Variants in QTGAL observed in about 807,000 individuals in gnomAD.
QTGAL encodes queuosine-tRNA galactosyltransferase, also known as BGnT-like protein 1.
the QTGAL span, among the ~76,000 whole-genome samples, chr17:82,989,952 G>C: frequency 6.6e-6 from 1 of 152,218 alleles, no homozygotes; most frequent in Non-Finnish European, 1.5e-5. Context: ...CAATCATTAA[G>C]TGTATTTTGA....
the QTGAL span, among the ~76,000 whole-genome samples, chr17:82,974,738 G>A: frequency 1.3e-5 from 2 of 152,214 alleles, no homozygotes; most frequent in Non-Finnish European, 2.9e-5. Context: ...GTCTGAACTG[G>A]ACCCTGGGGG....
chr17:83,023,971 G>C, the QTGAL span, among the ~76,000 whole-genome samples: 6 of 152,334 alleles, frequency 3.9e-5, no homozygotes, highest in East Asian at 1.2e-3. Flanking sequence ...TGTGGATTCT[G>C]CGCTGGTTCC....
At chr17:83,044,879 G>A in the QTGAL span, among the ~76,000 whole-genome samples, 2 of 151,828 alleles carry the variant, frequency 1.3e-5, no homozygotes, top group Non-Finnish European at 1.5e-5. Context: ...CCAGGTGGCG[G>A]AGCTTGCAGT....
chr17:83,035,139 T>C, the QTGAL span: 4 of 1,537,878 alleles, frequency 2.6e-6, no homozygotes, highest in Non-Finnish European at 3.6e-6. Flanking sequence ...TATAATTCAG[T>C]TTCCAGCAGC....
chr17:83,017,524 G>A, the QTGAL span, among the ~76,000 whole-genome samples: 8 of 152,106 alleles, frequency 5.3e-5, no homozygotes, highest in Admixed American at 3.9e-4. Flanking sequence ...TCAGGAAGCC[G>A]AGGTACGAGA....
the QTGAL span, among the ~76,000 whole-genome samples, chr17:83,009,989 AGGCCCCTGGTGTTGGGGGGCTGTGGG>A: frequency 1.5e-4 from 16 of 105,332 alleles, no homozygotes; most frequent in Middle Eastern, 4.8e-3. Flanking sequence ...GGAGCTGTGG[AGGCCCCTGGTGTTGGGGGGCTGTGGG>A]GGCCCCTGGT....
the QTGAL span, chr17:83,051,672 G>A: frequency 2.9e-6 from 4 of 1,369,018 alleles, no homozygotes; most frequent in Non-Finnish European, 3.8e-6. Context: ...GAGGACTGGA[G>A]GGCGGGGTGA....
At chr17:83,031,211 G>A in the QTGAL span, among the ~76,000 whole-genome samples, 7 of 152,358 alleles carry the variant, frequency 4.6e-5, no homozygotes, top group East Asian at 1.4e-3. Flanking sequence ...ATCCATCAGA[G>A]GCCGGCAGGG....
chr17:82,989,031 A>C, the QTGAL span, among the ~76,000 whole-genome samples: 1 of 152,228 alleles, frequency 6.6e-6, no homozygotes, highest in Non-Finnish European at 1.5e-5. Flanking sequence ...AGATCATTCT[A>C]TTATAAAGGT....
At chr17:82,987,335 T>C in the QTGAL span, among the ~76,000 whole-genome samples, 7 of 152,224 alleles carry the variant, frequency 4.6e-5, no homozygotes, top group Non-Finnish European at 1.0e-4. Flanking sequence ...AAAGAAGACT[T>C]ATTTGAGAAA....
At chr17:83,002,657 C>T in the QTGAL span, among the ~76,000 whole-genome samples, 2 of 152,192 alleles carry the variant, frequency 1.3e-5, no homozygotes, top group East Asian at 3.9e-4. Flanking sequence ...CTCCCTCAGA[C>T]GGCAGCCAGT....
At chr17:82,949,700 C>T in the QTGAL span, 6,199 of 152,242 alleles carry the variant, frequency 0.041, 169 homozygotes, top group South Asian at 0.094. Context: ...GTCACACGGA[C>T]GCTGCCGGGT....
At chr17:82,991,283 T>C in the QTGAL span, among the ~76,000 whole-genome samples, 1 of 152,218 alleles carries the variant, frequency 6.6e-6, no homozygotes. Flanking sequence ...TCTTGAATTG[T>C]ACTCCCATAA....
the QTGAL span, among the ~76,000 whole-genome samples, chr17:83,047,218 T>TA: frequency 3.3e-5 from 5 of 152,162 alleles, no homozygotes; most frequent in African/African-American, 1.2e-4. Context: ...CCTGTGTTCT[T>TA]ACAGAGCAGG....
chr17:82,947,702 C>G, the QTGAL span: 4 of 152,468 alleles, frequency 2.6e-5, no homozygotes, highest in African/African-American at 9.6e-5. Flanking sequence ...GTCCTTGGTC[C>G]TTGGGCCCAG....
chr17:83,019,790 G>A, the QTGAL span, among the ~76,000 whole-genome samples: 47 of 152,034 alleles, frequency 3.1e-4, 1 homozygote, highest in Non-Finnish European at 1.3e-4. Context: ...CTGGAGTGCA[G>A]TGGCGCAATC....
the QTGAL span, among the ~76,000 whole-genome samples, chr17:82,999,919 T>C: frequency 6.6e-6 from 1 of 152,178 alleles, no homozygotes; most frequent in African/African-American, 2.4e-5. Flanking sequence ...TAAAACTGTG[T>C]GAAAACTGTG....
chr17:83,050,322 C>A, the QTGAL span, among the ~76,000 whole-genome samples: 1 of 152,108 alleles, frequency 6.6e-6, no homozygotes, highest in South Asian at 2.1e-4. Context: ...GTGAGCCGAG[C>A]TCGCGCCATT....
At chr17:83,032,603 T>A in the QTGAL span, among the ~76,000 whole-genome samples, 1 of 152,206 alleles carries the variant, frequency 6.6e-6, no homozygotes, top group Non-Finnish European at 1.5e-5. Flanking sequence ...AAAGCACCAT[T>A]TTCCATGTGG....
Sources: gnomAD v4.1 joint callset for allele counts (sites outside exome capture counted in the v4.1 genomes callset) on GRCh38, gnomAD v4.1.1 for gene constraint, MANE v1.5 for transcripts, NCBI Gene and HGNC (gene_info 2026-07-23, HGNC 2026-07-21) for gene names.